LNPK: variants seen among roughly 807,000 people sequenced by gnomAD.
LNPK encodes the protein lunapark, ER junction formation factor.
A neutral mutation model predicts 55.2 loss-of-function variants in LNPK; 29 were observed. That is an observed-to-expected ratio of 0.53 (90% confidence interval 0.39 to 0.72). The LOEUF (loss-of-function observed/expected upper bound fraction) is 0.72, where lower values mean the gene tolerates loss of function less well. Among genes scored for constraint, LNPK ranks in the 30% least tolerant of loss-of-function variants. The pLI is 0.00. For synonymous variants in LNPK, 162 were observed against 168.2 expected, an observed-to-expected ratio of 0.96 and a Z score of 0.29; for missense variants, 467 against 494.8, an observed-to-expected ratio of 0.94 and a Z score of 0.53.
intron 8 of LNPK, among the ~76,000 whole-genome samples, chr2:175,951,204 T>C (rs910087421): frequency 8.5e-5 from 13 of 152,102 alleles, no homozygotes; most frequent in African/African-American, 3.1e-4. Context: ...TGGATTTTCA[T>C]CTAGTTAATA....
At chr2:175,998,301 A>G (rs1463640292) in intron 1 of LNPK, among the ~76,000 whole-genome samples, 1 of 151,954 alleles carries the variant, frequency 6.6e-6, no homozygotes, top group Non-Finnish European at 1.5e-5. Context: ...AAAATTAGCC[A>G]GGCGTGGTGG....
intron 5 of LNPK, 31 bp downstream of exon 5, chr2:175,979,779 A>G: frequency 6.8e-7 from 1 of 1,459,944 alleles, no homozygotes; most frequent in Non-Finnish European, 9.2e-7. Context: ...TATTTTAAAA[A>G]ATATTTATTA....
chr2:175,967,409 G>C (rs1319627886), intron 6 of LNPK, among the ~76,000 whole-genome samples: 2 of 151,978 alleles, frequency 1.3e-5, no homozygotes, highest in African/African-American at 4.8e-5. Flanking sequence ...CAAAATAAAT[G>C]TGAAAAAAAC....
At chr2:175,984,146 A>G (rs568753280) in intron 4 of LNPK, among the ~76,000 whole-genome samples, 1 of 151,972 alleles carries the variant, frequency 6.6e-6, no homozygotes, top group South Asian at 2.1e-4. Flanking sequence ...ATTAGGGGGA[A>G]AAAAAGCTGT....
At chr2:175,971,690 A>T (rs1158222775) in intron 5 of LNPK, among the ~76,000 whole-genome samples, 2 of 152,188 alleles carry the variant, frequency 1.3e-5, no homozygotes, top group East Asian at 3.8e-4. Flanking sequence ...TAAAAAGATG[A>T]TTTTACTATA....
chr2:175,960,919 A>T (rs1685995729), intron 8 of LNPK, among the ~76,000 whole-genome samples: 1 of 152,208 alleles, frequency 6.6e-6, no homozygotes, highest in East Asian at 1.9e-4. Context: ...CCATAAGAGA[A>T]TACTATAGAC....
At chr2:175,994,606 T>G (rs1687847968) in intron 2 of LNPK, among the ~76,000 whole-genome samples, 1 of 152,136 alleles carries the variant, frequency 6.6e-6, no homozygotes, top group South Asian at 2.1e-4. Flanking sequence ...CACTGCAACC[T>G]TCACCTCCTG....
intron 6 of LNPK, among the ~76,000 whole-genome samples, chr2:175,969,850 T>A (rs183220844): frequency 6.6e-6 from 1 of 152,308 alleles, no homozygotes; most frequent in African/African-American, 2.4e-5. Context: ...AGCTAAGGAA[T>A]CCTTTCAAAA....
intron 8 of LNPK, among the ~76,000 whole-genome samples, chr2:175,960,927 G>C (rs961133155): frequency 6.6e-6 from 1 of 151,998 alleles, no homozygotes; most frequent in Non-Finnish European, 1.5e-5. Context: ...GAATACTATA[G>C]ACACCTCTAT....
chr2:175,960,109 G>A (rs1043507578), intron 8 of LNPK, among the ~76,000 whole-genome samples: 13 of 151,812 alleles, frequency 8.6e-5, no homozygotes, highest in Non-Finnish European at 1.5e-4. Flanking sequence ...ACACAATAAT[G>A]GGAGACTTTA....
intron 6 of LNPK, among the ~76,000 whole-genome samples, chr2:175,964,965 A>G (rs773019770): frequency 3.3e-5 from 5 of 152,206 alleles, no homozygotes; most frequent in African/African-American, 4.8e-5. Context: ...ACTTAATGCT[A>G]TTAATTTAAA....
At chr2:175,938,706 T>G (rs547856346) in intron 10 of LNPK, 1 of 166,302 alleles carries the variant, frequency 6.0e-6, no homozygotes, top group Non-Finnish European at 1.3e-5. Context: ...CAGAGTATAG[T>G]GCTGGGGATG....
chr2:175,987,906 A>G (rs921602306), intron 4 of LNPK, among the ~76,000 whole-genome samples: 2 of 152,206 alleles, frequency 1.3e-5, no homozygotes. Context: ...CACACAGAGG[A>G]CAGCGTAAAC....
chr2:175,926,804 A>C lies in LNPK; in HGVS notation c.*3163T>G, dbSNP rs1038229662. 9 of 114,772 alleles carry C rather than the reference A, an allele frequency of 7.8e-5. No individual in the cohort carries two copies. The highest frequency in any genetic ancestry group is 3.2e-4 in the Admixed American group (3 of 9,508). 7.1% of individuals were successfully genotyped at this position (114,772 alleles called of 1,614,324 possible). On this transcript the variant is annotated 3_prime_UTR_variant, in exon 13 of 13. Coordinates refer to ENST00000272748, the MANE Select transcript of LNPK (RefSeq NM_030650.3). ...ATAAAGGGAAAAGAGATGAGTTTACAGCTTCTGGCTTAGAGAGTAACTCTA... is the reference window on the plus strand; with the variant it reads ...ATAAAGGGAAAAGAGATGAGTTTACCGCTTCTGGCTTAGAGAGTAACTCTA...
intron 12 of LNPK, among the ~76,000 whole-genome samples, chr2:175,934,659 T>C (rs554862434): frequency 6.6e-6 from 1 of 152,064 alleles, no homozygotes; most frequent in South Asian, 2.1e-4. Context: ...TAAAAAAAGG[T>C]AAAACTGATA....
intron 8 of LNPK, among the ~76,000 whole-genome samples, chr2:175,948,813 C>T (rs973545497): frequency 1.3e-5 from 2 of 152,152 alleles, no homozygotes; most frequent in African/African-American, 4.8e-5. Context: ...GCTCTAGCAT[C>T]AGATCTTAGT....
chr2:175,962,333 A>C (rs564743848), intron 8 of LNPK, among the ~76,000 whole-genome samples: 21 of 152,322 alleles, frequency 1.4e-4, no homozygotes, highest in Non-Finnish European at 2.8e-4. Context: ...CCAAAACAGC[A>C]TGGTACTCGT....
Position 175,991,606 on chromosome 2 carries a change from C to T in LNPK, c.257+625G>A, listed in dbSNP as rs141608925. 8.3e-3 allele frequency among the ~76,000 whole-genome samples: 1,269 copies of T among 152,230 alleles called. 10 individuals carry two copies. The highest frequency in any genetic ancestry group is 0.02 in the Admixed American group (300 of 15,290). ...CATCATACTCATTACTTAATGTTTG[C>T]AGTCTAAGATATACAGTCAGAGAAT... On this transcript the variant is annotated intron_variant, in intron 4 of 12. Transcript: ENST00000272748.
intron 9 of LNPK, among the ~76,000 whole-genome samples, chr2:175,942,357 TC>T (rs1458438099): frequency 6.6e-6 from 1 of 152,192 alleles, no homozygotes; most frequent in Non-Finnish European, 1.5e-5. Context: ...CACTGGGGGA[TC>T]CTGGAACCAA....
Sources: allele counts gnomAD v4.1 joint callset (sites outside exome capture counted in the v4.1 genomes callset), GRCh38; gene constraint gnomAD v4.1.1; transcripts MANE v1.5; gene names NCBI Gene and HGNC (gene_info 2026-07-23, HGNC 2026-07-21).